BNC2: variants seen among roughly 807,000 people sequenced by gnomAD.
BNC2 encodes the protein basonuclin zinc finger protein 2.
BNC2 carries 20 observed loss-of-function variants against 76.3 expected under a neutral mutation model. The observed-to-expected ratio is 0.26, with a 90% confidence interval of 0.18 to 0.38. BNC2 has a LOEUF of 0.38. BNC2 is among the 10% of genes least tolerant of loss of function. BNC2 has a pLI of 1.00. For synonymous variants in BNC2, 582 were observed against 514.8 expected, an observed-to-expected ratio of 1.13 and a Z score of -1.77; for missense variants, 1,382 against 1,399.8, an observed-to-expected ratio of 0.99 and a Z score of 0.20.
intron 1 of BNC2, among the ~76,000 whole-genome samples, chr9:16,828,479 C>T (rs748278090): frequency 3.3e-5 from 5 of 152,120 alleles, no homozygotes; most frequent in African/African-American, 7.2e-5. Context: ...TAGTATGAAG[C>T]CAAGAATACG....
At chr9:16,575,216 G>T (rs1819448824) in intron 4 of BNC2, 1 of 957,742 alleles carries the variant, frequency 1.0e-6, no homozygotes, top group Non-Finnish European at 1.2e-6. Context: ...AATGTAAACA[G>T]TCTCATTCAA....
At chr9:16,520,312 G>C (rs62540636) in intron 5 of BNC2, among the ~76,000 whole-genome samples, 1 of 152,142 alleles carries the variant, frequency 6.6e-6, no homozygotes, top group Non-Finnish European at 1.5e-5. Flanking sequence ...TTCATTATGT[G>C]AGTGATTTTG....
At chr9:16,738,963 C>T (rs1359374467) in intron 1 of BNC2, among the ~76,000 whole-genome samples, 1 of 149,260 alleles carries the variant, frequency 6.7e-6, no homozygotes, top group Non-Finnish European at 1.5e-5. Context: ...TTAACAAAAA[C>T]AGAATAGGAA....
chr9:16,592,629 A>G (rs2133194307), intron 3 of BNC2, among the ~76,000 whole-genome samples: 2 of 152,290 alleles, frequency 1.3e-5, no homozygotes, highest in South Asian at 2.1e-4. Context: ...AGTAAAATAC[A>G]GTGAGTATTT....
chr9:16,821,803 G>A (rs546032383), intron 1 of BNC2, among the ~76,000 whole-genome samples: 1 of 151,942 alleles, frequency 6.6e-6, no homozygotes, highest in African/African-American at 2.4e-5. Flanking sequence ...ACAAAAATTA[G>A]CCAGGTGGGG....
At chr9:16,637,067 T>C (rs1263760091) in intron 3 of BNC2, among the ~76,000 whole-genome samples, 3 of 152,062 alleles carry the variant, frequency 2.0e-5, no homozygotes, top group Non-Finnish European at 4.4e-5. Flanking sequence ...TTCTTCTTCT[T>C]GCCATATAGA....
In BNC2 at chr9:16,707,628, G is replaced by A. The variant is rs1389750054; in HGVS notation, c.330+20169C>T. Among the ~76,000 whole-genome samples, 5 of 152,042 alleles carry A rather than the reference G, an allele frequency of 3.3e-5. 1 individual carries two copies. The South Asian group carries it at 6.2e-4, about 19-fold the overall frequency. ...ATCTCATTTTAGTTCTAAACAAGTT[G>A]CCAAGTAATTATTACTATTATTATT... is the stretch of plus-strand genomic sequence containing the variant. On this transcript the variant is annotated intron_variant, in intron 3 of 6. Transcript: ENST00000380672.
intron 1 of BNC2, among the ~76,000 whole-genome samples, chr9:16,783,131 C>T (rs1050651562): frequency 5.3e-5 from 8 of 152,140 alleles, no homozygotes; most frequent in Admixed American, 4.6e-4. Context: ...CTTAAATACA[C>T]AATTTGCAAA....
At chr9:16,486,054 A>G (rs948790983) in intron 5 of BNC2, among the ~76,000 whole-genome samples, 10 of 152,158 alleles carry the variant, frequency 6.6e-5, no homozygotes, top group Admixed American at 5.9e-4. Context: ...AAATCACCCC[A>G]AAGCACTCAA....
At chr9:16,784,101 A>C (rs1244193346) in intron 1 of BNC2, among the ~76,000 whole-genome samples, 1 of 152,222 alleles carries the variant, frequency 6.6e-6, no homozygotes, top group African/African-American at 2.4e-5. Context: ...AAAGCATCAC[A>C]TGAATAAGAA....
At chr9:16,725,398 T>C (rs1180729589) in intron 3 of BNC2, among the ~76,000 whole-genome samples, 1 of 151,974 alleles carries the variant, frequency 6.6e-6, no homozygotes, top group Non-Finnish European at 1.5e-5. Flanking sequence ...AGAAAAAAAA[T>C]GCAAGCTCAT....
Position 16,437,090 on chromosome 9 carries a change from T to C in BNC2, c.1104A>G (p.Glu368=), listed in dbSNP as rs764230272. The change falls in exon 6 of 7, where the codon GAA becomes GAG. Residue 368 remains glutamate (E), a synonymous_variant. Coordinates refer to ENST00000380672, the MANE Select transcript of BNC2 (RefSeq NM_017637.6). ...STQNEYNESS[E]SEVSPTPYKN... is the part of the protein sequence containing the mutation. ...TATAAGGTGTGGGAGAAACTTCGGA[T>C]TCGCTGCTCTCATTATATTCATTCT... 2 of 1,614,110 alleles carry C rather than the reference T, an allele frequency of 1.2e-6. No homozygotes were observed.
intron 3 of BNC2, among the ~76,000 whole-genome samples, chr9:16,638,789 T>C (rs1027146186): frequency 2.0e-5 from 3 of 152,190 alleles, no homozygotes; most frequent in South Asian, 2.1e-4. Flanking sequence ...TTCTCTCCAT[T>C]TATTTTAAAT....
intron 5 of BNC2, among the ~76,000 whole-genome samples, chr9:16,459,474 T>C (rs889095861): frequency 3.4e-4 from 52 of 152,192 alleles, no homozygotes; most frequent in African/African-American, 1.2e-3. Flanking sequence ...CTGGGCAAAA[T>C]GAAACATGGT....
At chr9:16,753,537 G>A (rs1825282814) in intron 1 of BNC2, among the ~76,000 whole-genome samples, 1 of 152,228 alleles carries the variant, frequency 6.6e-6, no homozygotes, top group African/African-American at 2.4e-5. Context: ...CTACAGTGGA[G>A]TTGTGTTCAC....
At chr9:16,868,116 G>GC (rs1196372813) in intron 1 of BNC2, 1 of 152,154 alleles carries the variant, frequency 6.6e-6, no homozygotes, top group East Asian at 1.9e-4. Flanking sequence ...AGACGACACA[G>GC]CATTGACTCG....
At chr9:16,507,510 C>G (rs1563815580) in intron 5 of BNC2, among the ~76,000 whole-genome samples, 1 of 152,090 alleles carries the variant, frequency 6.6e-6, no homozygotes, top group Admixed American at 6.5e-5. Flanking sequence ...CTTACTGCAA[C>G]CTCCACCTCC....
chr9:16,864,646 G>A (rs1189753011), intron 1 of BNC2, among the ~76,000 whole-genome samples: 1 of 152,100 alleles, frequency 6.6e-6, no homozygotes, highest in Non-Finnish European at 1.5e-5. Flanking sequence ...ATTTATCCCT[G>A]GGATGCATAT....
At position 16,416,063 on chromosome 9, in the gene BNC2, T is replaced by G. The variant is rs527762078; in HGVS notation, c.*2926A>C. On this transcript the variant is annotated 3_prime_UTR_variant, in exon 7 of 7. Coordinates refer to ENST00000380672, the MANE Select transcript of BNC2 (RefSeq NM_017637.6). ...TGGTTTGCAGCAAGTAACAAACATT[T>G]GTTCTAAGCCTGGTGCATTTGCTGA... The G allele has an allele frequency of 2.6e-5, 4 of 152,320 alleles. No homozygotes were observed. The East Asian group carries it at 5.8e-4, about 22-fold the overall frequency. 9.4% of individuals were successfully genotyped at this position (152,320 alleles called of 1,614,324 possible).
Sources: allele counts gnomAD v4.1 joint callset (sites outside exome capture counted in the v4.1 genomes callset), GRCh38; gene constraint gnomAD v4.1.1; transcripts MANE v1.5; gene names NCBI Gene and HGNC (gene_info 2026-07-23, HGNC 2026-07-21).